Variants in PTPN2 observed in about 807,000 individuals in gnomAD.
The protein encoded by PTPN2 is protein tyrosine phosphatase non-receptor type 2.
Under a neutral mutation model 57.3 loss-of-function variants are expected in PTPN2, and 19 were observed. The ratio of observed to expected loss-of-function variants is 0.33; its 90% confidence interval spans 0.23 to 0.49. The LOEUF is 0.49. Among genes scored for constraint, PTPN2 ranks in the 20% least tolerant of loss-of-function variants. The pLI is 0.99. For missense variants in PTPN2, 358 were observed against 501.1 expected (o/e 0.71, Z 2.73); for synonymous variants, 153 against 164.9 (o/e 0.93, Z 0.55).
chr18:12,875,371 G>A (rs1016661143), intron 1 of PTPN2, among the ~76,000 whole-genome samples: 1 of 151,282 alleles, frequency 6.6e-6, no homozygotes, highest in Non-Finnish European at 1.5e-5. Context: ...ACTCAGGAAA[G>A]TGAGAGCTTA....
At chr18:12,850,118 CTTCT>C (rs1393417762) in intron 2 of PTPN2, among the ~76,000 whole-genome samples, 15 of 152,092 alleles carry the variant, frequency 9.9e-5, no homozygotes, top group Admixed American at 3.9e-4. Flanking sequence ...GTTGTTGTTA[CTTCT>C]TTCTGCTTTT....
intron 3 of PTPN2, among the ~76,000 whole-genome samples, chr18:12,835,175 T>C (rs1460496762): frequency 2.0e-5 from 3 of 152,066 alleles, no homozygotes; most frequent in Non-Finnish European, 4.4e-5. Context: ...TTTTTAACTC[T>C]AAATAGTAGT....
chr18:12,791,055 G>A (rs1011886169), downstream of PTPN2, among the ~76,000 whole-genome samples: 1 of 152,064 alleles, frequency 6.6e-6, no homozygotes, highest in Non-Finnish European at 1.5e-5. Context: ...CAGAAAATGG[G>A]TATTTTCATT....
intron 9 of PTPN2, chr18:12,786,694 T>C (rs575216228): frequency 1.3e-5 from 2 of 152,328 alleles, no homozygotes; most frequent in South Asian, 4.1e-4. Context: ...TTCACATATA[T>C]ATTAAGAAAT....
At chr18:12,872,837 C>T (rs993829917) in intron 1 of PTPN2, among the ~76,000 whole-genome samples, 4 of 152,218 alleles carry the variant, frequency 2.6e-5, no homozygotes, top group Non-Finnish European at 5.9e-5. Flanking sequence ...ATTAAATCGG[C>T]ACAACATTTA....
At chr18:12,785,871 A>G (rs2040832744) in intron 9 of PTPN2, 1 of 1,569,066 alleles carries the variant, frequency 6.4e-7, no homozygotes, top group Non-Finnish European at 8.8e-7. Flanking sequence ...GAAGTCATCT[A>G]TTCAATTCAT....
chr18:12,870,444 TATATATATATATATATATAGAG>T (rs1298054267), intron 1 of PTPN2, among the ~76,000 whole-genome samples: 1 of 23,628 alleles, frequency 4.2e-5, no homozygotes, highest in Non-Finnish European at 6.1e-5. Context: ...TATATGTGTA[TATATATATATATATATATAGAG>T]AGAGAGAGAG....
chr18:12,844,932 A>T (rs1238264629), intron 2 of PTPN2, among the ~76,000 whole-genome samples: 3 of 152,146 alleles, frequency 2.0e-5, no homozygotes, highest in Admixed American at 1.3e-4. Context: ...ATTTCATTTT[A>T]AATTGCTTTG....
At chr18:12,841,087 C>CT in intron 2 of PTPN2, 1 of 951,710 alleles carries the variant, frequency 1.1e-6, no homozygotes, top group Non-Finnish European at 1.4e-6. Context: ...AGCCGTGACT[C>CT]TGAGTACTGA....
At chr18:12,866,664 A>C (rs1598878387) in intron 1 of PTPN2, among the ~76,000 whole-genome samples, 1 of 152,006 alleles carries the variant, frequency 6.6e-6, no homozygotes, top group East Asian at 1.9e-4. Context: ...ACAGCTGTGA[A>C]TATACTAAAA....
chr18:12,820,692 A>AC (rs1202344867), intron 5 of PTPN2, among the ~76,000 whole-genome samples: 2 of 150,374 alleles, frequency 1.3e-5, no homozygotes, highest in Non-Finnish European at 3.0e-5. Flanking sequence ...TCGCTGCTTC[A>AC]CCCCCCTCCC....
At chr18:12,842,513 A>C (rs1207947910) in intron 2 of PTPN2, among the ~76,000 whole-genome samples, 3 of 152,234 alleles carry the variant, frequency 2.0e-5, no homozygotes, top group African/African-American at 7.2e-5. Context: ...CTGACCACCC[A>C]GGTGGGTCAC....
chr18:12,789,230 C>T (rs958740678), downstream of PTPN2, among the ~76,000 whole-genome samples: 3 of 152,132 alleles, frequency 2.0e-5, no homozygotes, highest in Admixed American at 6.6e-5. Flanking sequence ...CCAAGCCAGG[C>T]CCAGTCAGGG....
chr18:12,821,001 T>C (rs1384490490), intron 5 of PTPN2, among the ~76,000 whole-genome samples: 1 of 152,220 alleles, frequency 6.6e-6, no homozygotes, highest in African/African-American at 2.4e-5. Flanking sequence ...GCATATGCCC[T>C]GTTCACAGCC....
At chr18:12,835,873 T>C (rs1001145946) in intron 3 of PTPN2, among the ~76,000 whole-genome samples, 1 of 152,216 alleles carries the variant, frequency 6.6e-6, no homozygotes, top group Non-Finnish European at 1.5e-5. Flanking sequence ...TAGGAGTTTA[T>C]GTCCTTTGCC....
At chr18:12,822,520 T>G (rs1262281039) in intron 5 of PTPN2, among the ~76,000 whole-genome samples, 1 of 152,198 alleles carries the variant, frequency 6.6e-6, no homozygotes, top group African/African-American at 2.4e-5. Context: ...CTTTTAGCTT[T>G]AAGTAAGTCA....
chr18:12,830,797 T>G, intron 4 of PTPN2, 146 bp downstream of exon 4: 1 of 524,694 alleles, frequency 1.9e-6, no homozygotes, highest in Non-Finnish European at 3.5e-6. Flanking sequence ...GATACATGAG[T>G]TTTTCCGGAC....
chr18:12,838,974 TA>T (rs1258074705), intron 2 of PTPN2, among the ~76,000 whole-genome samples: 1 of 151,590 alleles, frequency 6.6e-6, no homozygotes, highest in Non-Finnish European at 1.5e-5. Context: ...TAAAATACAT[TA>T]AAATTATAAA....
rs1356405904 is a variant in PTPN2, at chr18:12,793,638, A to G, written c.*640T>C. 2.0e-6 allele frequency: 2 copies of G among 982,624 alleles called. No individual in the cohort carries two copies. Among genetic ancestry groups the G allele is most frequent in the African/African-American group, 1.7e-5 (1 of 57,166 alleles). 60.9% of individuals were successfully genotyped at this position (982,624 alleles called of 1,614,324 possible). A position where few individuals can be genotyped will look rare whatever the true frequency, so the allele number is the denominator to read the frequency against. ...TGCTTATTCCAACTTCTAACTGCTC[A>G]TATCAAACTTCTCTTTAGAAAAATG... On this transcript the variant is annotated 3_prime_UTR_variant, in exon 9 of 9. Transcript: ENST00000309660.
Sources: gnomAD v4.1 joint callset for allele counts (sites outside exome capture counted in the v4.1 genomes callset) on GRCh38, gnomAD v4.1.1 for gene constraint, MANE v1.5 for transcripts, NCBI Gene and HGNC (gene_info 2026-07-23, HGNC 2026-07-21) for gene names.